The following RORA variants were observed in gnomAD, a reference collection of about 807,000 sequenced individuals.
The protein encoded by RORA is nuclear receptor ROR-alpha.
RORA carries 7 observed loss-of-function variants against 69.5 expected under a neutral mutation model. The observed-to-expected ratio is 0.10, with a 90% confidence interval of 0.06 to 0.19. RORA has a LOEUF of 0.19. Among genes scored for constraint, RORA ranks in the 10% least tolerant of loss-of-function variants. The probability of loss-of-function intolerance (pLI) is 1.00; values close to 1 mark genes in which losing one functional copy is unlikely to be tolerated. For missense variants in RORA, 457 were observed against 663.0 expected, an observed-to-expected ratio of 0.69 and a Z score of 3.41; for synonymous variants, 261 against 240.8, an observed-to-expected ratio of 1.08 and a Z score of -0.78.
intron 3 of RORA, among the ~76,000 whole-genome samples, chr15:60,521,249 T>TTG (rs1320326205): frequency 5.2e-4 from 78 of 149,576 alleles, no homozygotes; most frequent in African/African-American, 1.9e-3. Context: ...AAATTGTCAT[T>TTG]TTTTTTTTTT....
chr15:61,187,189 T>C (rs1053729887), intron 1 of RORA, among the ~76,000 whole-genome samples: 2 of 152,220 alleles, frequency 1.3e-5, no homozygotes, highest in African/African-American at 4.8e-5. Context: ...GTTTTATTAG[T>C]GGCAGGTCCT....
At chr15:60,540,105 T>G (rs2066813842) in intron 2 of RORA, among the ~76,000 whole-genome samples, 1 of 152,228 alleles carries the variant, frequency 6.6e-6, no homozygotes, top group Admixed American at 6.5e-5. Context: ...GTCCCTTACA[T>G]AATTCTGGAT....
intron 2 of RORA, among the ~76,000 whole-genome samples, chr15:60,604,178 C>T (rs543566856): frequency 6.8e-6 from 1 of 146,828 alleles, no homozygotes; most frequent in Admixed American, 6.8e-5. Context: ...AAAAATATGG[C>T]ATTGAATAGA....
intron 1 of RORA, among the ~76,000 whole-genome samples, chr15:60,713,533 A>G (rs2071174103): frequency 1.3e-5 from 2 of 152,218 alleles, no homozygotes; most frequent in Non-Finnish European, 2.9e-5. Flanking sequence ...TTAAAAGAAC[A>G]TTTAAAAATA....
chr15:60,595,512 C>T (rs756265441), intron 2 of RORA, among the ~76,000 whole-genome samples: 15 of 149,538 alleles, frequency 1.0e-4, no homozygotes, highest in Admixed American at 6.0e-4. Context: ...AATAATCTGT[C>T]TCAAGGAAAA....
chr15:61,189,705 A>C (rs1251743972), intron 1 of RORA, among the ~76,000 whole-genome samples: 2 of 151,830 alleles, frequency 1.3e-5, no homozygotes, highest in Non-Finnish European at 2.9e-5. Context: ...AAAATACAAA[A>C]AATTAGCCAG....
intron 1 of RORA, among the ~76,000 whole-genome samples, chr15:61,062,926 T>C (rs979535880): frequency 6.6e-6 from 1 of 152,220 alleles, no homozygotes; most frequent in African/African-American, 2.4e-5. Flanking sequence ...TATTTGTTTT[T>C]TTTTCTAAGT....
At chr15:61,056,676 T>A (rs2078101118) in intron 1 of RORA, among the ~76,000 whole-genome samples, 2 of 152,238 alleles carry the variant, frequency 1.3e-5, no homozygotes, top group Non-Finnish European at 2.9e-5. Flanking sequence ...AGCATTTTTT[T>A]AAAATATGGG....
intron 3 of RORA, among the ~76,000 whole-genome samples, chr15:60,518,620 C>T (rs1278690226): frequency 1.3e-5 from 2 of 152,210 alleles, no homozygotes; most frequent in African/African-American, 2.4e-5. Context: ...TTCCCCTGCC[C>T]TGGTCACCCT....
At chr15:60,582,381 A>G (rs1166399716) in intron 2 of RORA, among the ~76,000 whole-genome samples, 1 of 152,226 alleles carries the variant, frequency 6.6e-6, no homozygotes, top group African/African-American at 2.4e-5. Context: ...GTTTTAATAG[A>G]AACACTTTCA....
At chr15:60,804,644 C>A (rs576786003) in intron 1 of RORA, among the ~76,000 whole-genome samples, 1 of 152,216 alleles carries the variant, frequency 6.6e-6, no homozygotes, top group African/African-American at 2.4e-5. Flanking sequence ...CAACGGTAGC[C>A]AAGAAGGACT....
intron 1 of RORA, chr15:61,183,122 A>G (rs12324087): frequency 0.59 from 89,457 of 151,990 alleles, 26,798 homozygotes; most frequent in East Asian, 0.69. Context: ...TAAGTTTTTA[A>G]TTGATAACTT....
chr15:60,953,775 TA>T (rs1479745095), intron 1 of RORA, among the ~76,000 whole-genome samples: 3 of 151,792 alleles, frequency 2.0e-5, no homozygotes, highest in African/African-American at 7.3e-5. Flanking sequence ...TGGCGATCAT[TA>T]AAAAGTCAGG....
intron 1 of RORA, among the ~76,000 whole-genome samples, chr15:61,139,769 G>A (rs945330184): frequency 1.3e-5 from 2 of 152,202 alleles, no homozygotes; most frequent in Non-Finnish European, 2.9e-5. Flanking sequence ...GACAGAGTGA[G>A]TTTAAGATCT....
intron 1 of RORA, among the ~76,000 whole-genome samples, chr15:60,864,018 G>A (rs1044239639): frequency 3.3e-5 from 5 of 152,118 alleles, no homozygotes; most frequent in Non-Finnish European, 7.4e-5. Context: ...TATTGGCCAG[G>A]CTGGTCTTGA....
At chr15:61,199,730 G>C (rs933890178) in intron 1 of RORA, among the ~76,000 whole-genome samples, 4 of 152,216 alleles carry the variant, frequency 2.6e-5, no homozygotes, top group South Asian at 4.1e-4. Flanking sequence ...TTATGGGAAG[G>C]GGGGGAAATG....
At chr15:60,522,392 A>ATTAT (rs1212650116) in intron 3 of RORA, among the ~76,000 whole-genome samples, 2 of 152,102 alleles carry the variant, frequency 1.3e-5, no homozygotes, top group Non-Finnish European at 2.9e-5. Context: ...GGTTTGATTT[A>ATTAT]TTATTTTGCT....
At chr15:60,943,038 T>G (rs1194101085) in intron 1 of RORA, among the ~76,000 whole-genome samples, 2 of 152,268 alleles carry the variant, frequency 1.3e-5, no homozygotes, top group African/African-American at 4.8e-5. Context: ...CCTTTGTAAT[T>G]GCTTCACCCA....
At position 61,073,155 on chromosome 15, in the gene RORA, A is replaced by G. The variant is rs540173687; in HGVS notation, c.166+155898T>C. Among the ~76,000 whole-genome samples, 3 of 152,334 alleles carry G rather than the reference A, an allele frequency of 2.0e-5. No individual in the cohort carries two copies. In the East Asian group the frequency reaches 5.8e-4, roughly 29 times the overall value. On this transcript the variant is annotated intron_variant, in intron 1 of 10. Coordinates refer to ENST00000335670, the MANE Select transcript of RORA (RefSeq NM_134261.3). ...AAGTACAACTGGCCAAGGGCCGGAC[A>G]TGGTCTCTCTTCTCTTGCTTCTGTG...
Sources: allele counts gnomAD v4.1 joint callset (sites outside exome capture counted in the v4.1 genomes callset), GRCh38; gene constraint gnomAD v4.1.1; transcripts MANE v1.5; gene names NCBI Gene and HGNC (gene_info 2026-07-23, HGNC 2026-07-21).